The following MYO1F variants were observed in gnomAD, a reference collection of about 807,000 sequenced individuals.
MYO1F encodes the protein unconventional myosin-If.
A neutral mutation model predicts 146.6 loss-of-function variants in MYO1F; 60 were observed. The observed-to-expected ratio is 0.41, with a 90% confidence interval of 0.33 to 0.51. The LOEUF (loss-of-function observed/expected upper bound fraction) is 0.51. MYO1F is among the 20% of genes least tolerant of loss of function. The probability of loss-of-function intolerance (pLI) is 0.25; values close to 1 mark genes in which losing one functional copy is unlikely to be tolerated. For synonymous variants in MYO1F, 602 were observed against 602.1 expected (o/e 1.00, Z 0.00); for missense variants, 1,274 against 1,534.3 (o/e 0.83, Z 2.83).
At chr19:8,529,311 A>G (rs951476506) in intron 21 of MYO1F, among the ~76,000 whole-genome samples, 3 of 151,950 alleles carry the variant, frequency 2.0e-5, no homozygotes, top group African/African-American at 7.3e-5. Flanking sequence ...GTGAGTGTGT[A>G]CCTGGCCCGC....
chr19:8,568,477 G>C (rs1183777851), intron 1 of MYO1F, among the ~76,000 whole-genome samples: 2 of 150,170 alleles, frequency 1.3e-5, no homozygotes, highest in Admixed American at 1.3e-4. Context: ...CGAAGGGAGA[G>C]AGGGTTTTGC....
chr19:8,572,792 C>G (rs1371115217), intron 1 of MYO1F, among the ~76,000 whole-genome samples: 1 of 152,260 alleles, frequency 6.6e-6, no homozygotes, highest in African/African-American at 2.4e-5. Context: ...AACTCCTGGG[C>G]TCAAGTGATC....
chr19:8,529,885 T>C (rs1230137675), intron 21 of MYO1F: 2 of 531,918 alleles, frequency 3.8e-6, no homozygotes, highest in Admixed American at 6.3e-5. Context: ...GATAGATACC[T>C]GTGGGCAGGT....
rs113446543 is a variant in MYO1F at position 8,549,199 on chromosome 19, G to A, written c.1102-882C>T. Among the ~76,000 whole-genome samples the A allele has an allele frequency of 9.2e-3, 1,405 of 152,020 alleles. 25 individuals carry two copies. The highest frequency in any genetic ancestry group is 0.032 in the African/African-American group (1,335 of 41,440). On this transcript the variant is annotated intron_variant, in intron 10 of 27. Coordinates refer to ENST00000644032, the MANE Select transcript of MYO1F (RefSeq NM_012335.4). ...ACTCCTGACCTTGGGTGATCTGCCC[G>A]CTTTGACCTCCCAAAGTGCTGGGAT...
intron 14 of MYO1F, 146 bp from the exon 15 acceptor site, chr19:8,542,137 G>T: frequency 1.5e-6 from 1 of 688,000 alleles, no homozygotes; most frequent in Non-Finnish European, 2.6e-6. Flanking sequence ...AGCGCTGGCT[G>T]GGGGGTATCT....
At chr19:8,532,676 A>G (rs1049404690) in intron 19 of MYO1F, among the ~76,000 whole-genome samples, 4 of 152,028 alleles carry the variant, frequency 2.6e-5, no homozygotes, top group Non-Finnish European at 5.9e-5. Flanking sequence ...TGTTGAGCCC[A>G]GGAGTTCAAG....
chr19:8,572,833 C>T (rs1048886356), intron 1 of MYO1F, among the ~76,000 whole-genome samples: 1 of 152,070 alleles, frequency 6.6e-6, no homozygotes, highest in Non-Finnish European at 1.5e-5. Context: ...TTAGCTGGTA[C>T]TACAGGTCCA....
chr19:8,555,764 G>A lies in MYO1F; in HGVS notation c.36C>T (p.His12=), dbSNP rs1160814642. The change falls in exon 2 of 28, where the codon CAC becomes CAT. Residue 12 remains histidine, a synonymous_variant. Coordinates refer to ENST00000644032, the MANE Select transcript of MYO1F (RefSeq NM_012335.4). ...CATCCACGCCGCTCTGCTTCACGTT[G>A]TGGCTCTGCCAGTGGAAGCGCTCCT... ...GSKERFHWQS[H]NVKQSGVDDM... 6.2e-6 allele frequency: 10 copies of A among 1,613,828 alleles called. No individual in the cohort carries two copies. In the African/African-American group the frequency reaches 1.1e-4, roughly 17 times the overall value.
chr19:8,556,484 AAGAAAGAAAGAAAGAAAGAAAG>A (rs1568364348), intron 1 of MYO1F, among the ~76,000 whole-genome samples: 3 of 122,630 alleles, frequency 2.4e-5, no homozygotes, highest in African/African-American at 1.3e-4. Flanking sequence ...TCTATAAAAA[AAGAAAGAAAGAAAGAAAGAAAG>A]AGAAAGAAAG....
intron 1 of MYO1F, among the ~76,000 whole-genome samples, chr19:8,571,158 C>T (rs1691374891): frequency 6.6e-6 from 1 of 152,194 alleles, no homozygotes; most frequent in African/African-American, 2.4e-5. Context: ...ACAGCCACTT[C>T]CTTCCTCACC....
intron 1 of MYO1F, among the ~76,000 whole-genome samples, chr19:8,569,299 C>G (rs1235985179): frequency 6.6e-6 from 1 of 151,974 alleles, no homozygotes; most frequent in African/African-American, 2.4e-5. Context: ...TATGACTCAA[C>G]CTGCTGGAGC....
At chr19:8,534,495 T>C (rs1234282684) in intron 19 of MYO1F, among the ~76,000 whole-genome samples, 1 of 151,520 alleles carries the variant, frequency 6.6e-6, no homozygotes, top group Non-Finnish European at 1.5e-5. Context: ...TTAGTAGAGA[T>C]GGGGTTTCCC....
intron 25 of MYO1F, among the ~76,000 whole-genome samples, chr19:8,523,187 A>G (rs561388324): frequency 3.3e-5 from 5 of 151,550 alleles, no homozygotes; most frequent in Non-Finnish European, 5.9e-5. Context: ...ACCTGCCACC[A>G]CGCCTGGATA....
At chr19:8,549,125 AT>A (rs1417278132) in intron 10 of MYO1F, among the ~76,000 whole-genome samples, 4 of 151,538 alleles carry the variant, frequency 2.6e-5, no homozygotes, top group African/African-American at 9.7e-5. Flanking sequence ...TAATTCTTGT[AT>A]TTTTAGTAGA....
At chr19:8,536,683 TG>T (rs1473542042) in intron 17 of MYO1F, 86 bp from the exon 18 acceptor site, 3 of 221,596 alleles carry the variant, frequency 1.4e-5, no homozygotes, top group Non-Finnish European at 1.5e-5. Context: ...GTGGGGGACC[TG>T]GGGGGATCTG....
chr19:8,521,814 G>GA (rs1568327468), intron 27 of MYO1F, among the ~76,000 whole-genome samples: 1 of 149,158 alleles, frequency 6.7e-6, no homozygotes, highest in African/African-American at 2.5e-5. Context: ...CTCTTTAAAA[G>GA]TTTTTTTTTT....
At chr19:8,522,587 C>A in intron 26 of MYO1F, 41 bp from the exon 27 acceptor site, 1 of 1,606,846 alleles carries the variant, frequency 6.2e-7, no homozygotes, top group Non-Finnish European at 8.5e-7. Flanking sequence ...CCAGACACTC[C>A]CCTACCCCCT....
At position 8,553,890 on chromosome 19, in the gene MYO1F, A is replaced by ACTCTCTCTCTCT. The variant is rs750034709; in HGVS notation, c.327-454_327-453insAGAGAGAGAGAG. Among the ~76,000 whole-genome samples, 60 of 57,910 alleles carry ACTCTCTCTCTCT rather than the reference A, an allele frequency of 1.0e-3. No homozygotes were observed. In the East Asian group the frequency reaches 0.017, roughly 17 times the overall value. The allele number at this position is 57,910 out of a possible 152,430, so 38.0% of individuals were successfully genotyped here. The stretch of plus-strand genomic sequence containing the variant: ...CTGTCACACACACACACACACACAC[A>ACTCTCTCTCTCT]CACACTCTCTCTCTCTCTCTCTCTC... On this transcript the variant is annotated intron_variant, in intron 4 of 27. Transcript: ENST00000644032.
chr19:8,526,359 C>G lies in MYO1F; in HGVS notation c.2770+94G>C, dbSNP rs935856033. ...CCACAAAACTCAAAAGTCTCTCTCT[C>G]TCTCTCTGTAGACACTCCCCTTCCT... On this transcript the variant is annotated intron_variant, in intron 24 of 27. Coordinates refer to ENST00000644032, the MANE Select transcript of MYO1F (RefSeq NM_012335.4). 6 of 1,504,290 alleles carry G rather than the reference C, an allele frequency of 4.0e-6. No homozygotes were observed. The Admixed American group carries it at 5.9e-5, about 15-fold the overall frequency. The allele number at this position is 1,504,290 out of a possible 1,614,324, so 93.2% of individuals were successfully genotyped here.
Sources: gnomAD v4.1 joint callset for allele counts (sites outside exome capture counted in the v4.1 genomes callset) on GRCh38, gnomAD v4.1.1 for gene constraint, MANE v1.5 for transcripts, NCBI Gene and HGNC (gene_info 2026-07-23, HGNC 2026-07-21) for gene names.